The following LDLRAD4 variants were observed in gnomAD, a reference collection of about 807,000 sequenced individuals.
LDLRAD4 encodes the protein low density lipoprotein receptor class A domain containing 4.
Under a neutral mutation model 17.0 loss-of-function variants are expected in LDLRAD4, and 5 were observed. That is an observed-to-expected ratio of 0.29 (90% confidence interval 0.15 to 0.62). The LOEUF is 0.62. LDLRAD4 is among the 20% of genes least tolerant of loss of function. LDLRAD4 has a pLI of 0.84. For synonymous variants in LDLRAD4, 168 were observed against 171.8 expected (o/e 0.98, Z 0.17); for missense variants, 340 against 424.7 (o/e 0.80, Z 1.75).
At chr18:13,430,359 A>G (rs1471545273) in intron 2 of LDLRAD4, among the ~76,000 whole-genome samples, 1 of 152,158 alleles carries the variant, frequency 6.6e-6, no homozygotes, top group East Asian at 1.9e-4. Flanking sequence ...AGGTTATGCG[A>G]GGTTAGTCCC....
intron 3 of LDLRAD4, among the ~76,000 whole-genome samples, chr18:13,501,817 G>A (rs1221833139): frequency 6.6e-6 from 1 of 152,088 alleles, no homozygotes; most frequent in Non-Finnish European, 1.5e-5. Flanking sequence ...AAAAACAGGG[G>A]CATTCTGTAA....
intron 1 of LDLRAD4, among the ~76,000 whole-genome samples, chr18:13,327,574 CGT>C (rs967448135): frequency 2.0e-5 from 3 of 151,188 alleles, no homozygotes; most frequent in African/African-American, 7.3e-5. Context: ...CCATATGGTG[CGT>C]GTATTTTTTT....
At chr18:13,459,328 C>G (rs1450333554) in intron 3 of LDLRAD4, among the ~76,000 whole-genome samples, 2 of 151,356 alleles carry the variant, frequency 1.3e-5, no homozygotes, top group Admixed American at 6.6e-5. Context: ...CAGACTGAGA[C>G]TTAGTCTGAA....
rs1490694897 is a variant in LDLRAD4 at position 13,355,880 on chromosome 18, C to A, written c.-382-31461C>A. Among the ~76,000 whole-genome samples, 3 of 152,224 alleles carry A rather than the reference C, an allele frequency of 2.0e-5. No homozygotes were observed. The East Asian group carries it at 5.8e-4, about 29-fold the overall frequency. ...TCCTGGCCTCAAGTGATCCTCCCAC[C>A]CTGGCCTCCCAAAGTTCTAGGATTA... On this transcript the variant is annotated intron_variant, in intron 1 of 5. Transcript: ENST00000359446.
intron 3 of LDLRAD4, among the ~76,000 whole-genome samples, chr18:13,574,290 T>C (rs941755543): frequency 1.3e-5 from 2 of 152,218 alleles, no homozygotes; most frequent in African/African-American, 4.8e-5. Flanking sequence ...GTGGCTGGGC[T>C]ACAGCTCCTG....
chr18:13,619,299 G>T (rs959658470), intron 3 of LDLRAD4, among the ~76,000 whole-genome samples: 1 of 152,124 alleles, frequency 6.6e-6, no homozygotes, highest in Non-Finnish European at 1.5e-5. Context: ...GGGCAGAGTC[G>T]AAGACTGTGT....
intron 1 of LDLRAD4, among the ~76,000 whole-genome samples, chr18:13,353,970 T>C (rs1182834877): frequency 6.6e-6 from 1 of 152,230 alleles, no homozygotes; most frequent in Non-Finnish European, 1.5e-5. Context: ...TCTGCTATTT[T>C]GCTGATGTCA....
At chr18:13,647,105 T>TCCCTTCTGCTTCTTACCTCTGTA (rs1555784510) in exon 6 of LDLRAD4, 14 of 152,142 alleles carry the variant, frequency 9.2e-5, no homozygotes, top group Non-Finnish European at 1.5e-4. Flanking sequence ...GCTTTTGTAC[T>TCCCTTCTGCTTCTTACCTCTGTA]GAAGGCAAGA....
chr18:13,458,242 C>A (rs545967162), intron 3 of LDLRAD4, among the ~76,000 whole-genome samples: 1 of 152,184 alleles, frequency 6.6e-6, no homozygotes, highest in Non-Finnish European at 1.5e-5. Flanking sequence ...GATGAGGATT[C>A]AAAATGCCAT....
chr18:13,518,038 CTTTCT>C (rs1177969676), intron 3 of LDLRAD4, among the ~76,000 whole-genome samples: 3 of 152,148 alleles, frequency 2.0e-5, no homozygotes, highest in Non-Finnish European at 4.4e-5. Flanking sequence ...CCGGCCATGA[CTTTCT>C]TTTCTTTTCT....
intron 3 of LDLRAD4, among the ~76,000 whole-genome samples, chr18:13,442,600 C>T (rs2091101453): frequency 6.6e-6 from 1 of 152,232 alleles, no homozygotes; most frequent in Admixed American, 6.5e-5. Context: ...GGACGGGCCA[C>T]CTGCTGGCCG....
At chr18:13,610,489 GT>G in intron 3 of LDLRAD4, among the ~76,000 whole-genome samples, 1 of 151,966 alleles carries the variant, frequency 6.6e-6, no homozygotes. Context: ...GTTTCGCCAT[GT>G]TGACCAGGCT....
chr18:13,585,673 T>A (rs2094923827), intron 3 of LDLRAD4, among the ~76,000 whole-genome samples: 1 of 152,242 alleles, frequency 6.6e-6, no homozygotes, highest in East Asian at 1.9e-4. Flanking sequence ...TGAATTTTAC[T>A]GATACAGACA....
intron 3 of LDLRAD4, chr18:13,613,029 TAC>T (rs1039199800): frequency 7.2e-6 from 3 of 415,824 alleles, no homozygotes; most frequent in Non-Finnish European, 1.3e-5. Context: ...TATGCATGAG[TAC>T]ACAGTTTGTT....
intron 3 of LDLRAD4, among the ~76,000 whole-genome samples, chr18:13,534,713 TACTC>T (rs1279495772): frequency 1.3e-5 from 2 of 152,346 alleles, no homozygotes; most frequent in East Asian, 1.9e-4. Context: ...CTGTGAAAGT[TACTC>T]ACTTTTGGTG....
At chr18:13,518,938 C>T (rs1466898330) in intron 3 of LDLRAD4, among the ~76,000 whole-genome samples, 1 of 152,154 alleles carries the variant, frequency 6.6e-6, no homozygotes, top group African/African-American at 2.4e-5. Context: ...CCTAGTTCAC[C>T]ATTCTACGGA....
rs2086444647 is a variant in LDLRAD4, at chr18:13,393,640, C to T, written c.40+5878C>T. Among the ~76,000 whole-genome samples the T allele has an allele frequency of 2.0e-5, 3 of 152,156 alleles. No homozygotes were observed. The South Asian group carries it at 6.2e-4, about 32-fold the overall frequency. On this transcript the variant is annotated intron_variant, in intron 2 of 5. Coordinates refer to ENST00000359446, the Ensembl canonical transcript of LDLRAD4. ...TGTCATGAGACCGTCTCCCTGCCTC[C>T]GTTCTCTCCTCTCTCTAGTTCTGCC...
At chr18:13,390,190 C>T (rs1215785481) in intron 2 of LDLRAD4, among the ~76,000 whole-genome samples, 1 of 152,192 alleles carries the variant, frequency 6.6e-6, no homozygotes, top group East Asian at 1.9e-4. Flanking sequence ...GAATCTGTTT[C>T]CTTACTTTGG....
At chr18:13,422,455 G>T (rs1440410200) in intron 2 of LDLRAD4, among the ~76,000 whole-genome samples, 1 of 152,108 alleles carries the variant, frequency 6.6e-6, no homozygotes, top group Non-Finnish European at 1.5e-5. Flanking sequence ...CTAGCACTTT[G>T]GGAGGTGAAG....
Sources: allele counts gnomAD v4.1 joint callset (sites outside exome capture counted in the v4.1 genomes callset), GRCh38; gene constraint gnomAD v4.1.1; transcripts MANE v1.5; gene names NCBI Gene and HGNC (gene_info 2026-07-23, HGNC 2026-07-21).